LRRFIP1: variants seen among roughly 807,000 people sequenced by gnomAD.
LRRFIP1 encodes leucine-rich repeat flightless-interacting protein 1.
LRRFIP1 carries 62 observed loss-of-function variants against 104.4 expected under a neutral mutation model. That is an observed-to-expected ratio of 0.59 (90% confidence interval 0.48 to 0.73). The LOEUF is 0.73. Ranked by LOEUF, LRRFIP1 falls within the 30% of genes least tolerant of loss-of-function variation. The pLI is 0.00. For synonymous variants in LRRFIP1, 300 were observed against 299.0 expected (o/e 1.00, Z -0.03); for missense variants, 796 against 824.5 (o/e 0.97, Z 0.42).
chr2:237,775,126 G>A (rs1374277198), intron 23 of LRRFIP1, among the ~76,000 whole-genome samples: 1 of 152,236 alleles, frequency 6.6e-6, no homozygotes, highest in Non-Finnish European at 1.5e-5. Context: ...TCTGGAAGAG[G>A]GAGGTCCATA....
intron 1 of LRRFIP1, among the ~76,000 whole-genome samples, chr2:237,688,556 T>C (rs2149717603): frequency 6.7e-6 from 1 of 148,874 alleles, no homozygotes; most frequent in Non-Finnish European, 1.5e-5. Flanking sequence ...CCTCCTGTGT[T>C]CAAGTGATTC....
Position 237,705,151 on chromosome 2 carries a change from T to TA in LRRFIP1, c.97-3393_97-3392insA, listed in dbSNP as rs200072057. Among the ~76,000 whole-genome samples, 1,268 of 152,018 alleles carry TA rather than the reference T, an allele frequency of 8.3e-3. 9 individuals carry two copies. Among genetic ancestry groups the TA allele is most frequent in the Admixed American group, 0.012 (188 of 15,288 alleles). On this transcript the variant is annotated intron_variant, in intron 1 of 23. Coordinates refer to ENST00000308482, the MANE Select transcript of LRRFIP1 (RefSeq NM_001137550.2). ...TGGCCAGACCCGAGCAGAGCTAAGC[T>TA]GGAATAGGGTGGGGTACTGAGCAGG...
chr2:237,680,215 G>A (rs1262846660), intron 1 of LRRFIP1, among the ~76,000 whole-genome samples: 1 of 152,186 alleles, frequency 6.6e-6, no homozygotes. Flanking sequence ...TGGCTGGCCA[G>A]GCACAGTGGC....
At chr2:237,727,966 T>G (rs373508904) in intron 8 of LRRFIP1, 31 bp downstream of exon 8, 9 of 1,498,362 alleles carry the variant, frequency 6.0e-6, no homozygotes, top group Non-Finnish European at 7.3e-6. Context: ...TGGCTCAAAA[T>G]TCAAATAGGT....
At chr2:237,723,454 AT>A in intron 6 of LRRFIP1, 93 bp from the exon 7 acceptor site, 2 of 1,211,690 alleles carry the variant, frequency 1.7e-6, no homozygotes, top group Non-Finnish European at 2.4e-6. Flanking sequence ...GATTTTAAAG[AT>A]TGCTTGTATT....
In LRRFIP1 at chr2:237,765,690, A is replaced by G. The variant is rs925948860; in HGVS notation, c.1460-4253A>G. 9.8e-5 allele frequency: 92 copies of G among 943,554 alleles called. No homozygotes were observed. The Middle Eastern group carries it at 2.8e-3, about 28-fold the overall frequency. 58.4% of individuals were successfully genotyped at this position (943,554 alleles called of 1,614,324 possible). The stretch of plus-strand genomic sequence containing the variant: ...TGCCTGAAGAAAATATCTGTTTTCT[A>G]TATAAAAAAATTTTTTAAAATAATT... On this transcript the variant is annotated intron_variant, in intron 19 of 23. Coordinates refer to ENST00000308482, the MANE Select transcript of LRRFIP1 (RefSeq NM_001137550.2).
In LRRFIP1 at chr2:237,675,924, G is replaced by T. The variant is rs1361075661; in HGVS notation, c.97-32620G>T. Among the ~76,000 whole-genome samples, 6 of 152,196 alleles carry T rather than the reference G, an allele frequency of 3.9e-5. 1 individual carries two copies. Among genetic ancestry groups the T allele is most frequent in the African/African-American group, 1.4e-4 (6 of 41,448 alleles). On this transcript the variant is annotated intron_variant, in intron 1 of 23. Coordinates refer to ENST00000308482, the MANE Select transcript of LRRFIP1 (RefSeq NM_001137550.2). ...ACAGGATGCTGTAAAGCAGTAGGTT[G>T]ACCTGGCCCTTTTCTTATAATGTAA...
chr2:237,774,379 G>A lies in LRRFIP1; in HGVS notation c.1729G>A (p.Val577Ile). The change falls in exon 23 of 24, where the codon GTA becomes ATA. Residue 577 changes from valine to isoleucine, a missense_variant. Val to Ile is a conservative substitution (Grantham distance 29, BLOSUM62 3). Transcript: ENST00000308482. Reference sequence around the variant, plus strand: ...TTAGGTAATAAGGTTAGAGAGTCAAGTATCACGTTACAAATCAGCGGCTGA... The same window carrying A: ...TTAGGTAATAAGGTTAGAGAGTCAAATATCACGTTACAAATCAGCGGCTGA... ...EQNVIRLESQVSRYKSAAENA... is the reference protein window; with the variant it reads ...EQNVIRLESQISRYKSAAENA... 1 of 1,612,976 alleles carries A rather than the reference G, an allele frequency of 6.2e-7. No homozygotes were observed. Among genetic ancestry groups the A allele is most frequent in the South Asian group, 1.1e-5 (1 of 90,982 alleles).
At chr2:237,764,690 C>T (rs773297730) in intron 19 of LRRFIP1, 41 of 987,840 alleles carry the variant, frequency 4.2e-5, no homozygotes, top group Non-Finnish European at 4.8e-5. Flanking sequence ...ATAAGATTTG[C>T]ACCTTAGAAC....
At chr2:237,706,551 A>G (rs1405001820) in intron 1 of LRRFIP1, among the ~76,000 whole-genome samples, 1 of 152,184 alleles carries the variant, frequency 6.6e-6, no homozygotes, top group Non-Finnish European at 1.5e-5. Flanking sequence ...TTGCTGGCCC[A>G]TTGGTAGGGC....
intron 1 of LRRFIP1, among the ~76,000 whole-genome samples, chr2:237,697,328 A>G (rs1378311907): frequency 1.3e-5 from 2 of 152,180 alleles, no homozygotes; most frequent in Admixed American, 1.3e-4. Context: ...CGGCCCAATG[A>G]GCTTTACTTT....
intron 1 of LRRFIP1, among the ~76,000 whole-genome samples, chr2:237,693,517 G>T (rs987390729): frequency 2.0e-5 from 3 of 152,200 alleles, no homozygotes; most frequent in African/African-American, 7.2e-5. Flanking sequence ...GTTTTTCTGT[G>T]ACTTCGTTTA....
chr2:237,675,503 A>G (rs997329770), intron 1 of LRRFIP1, among the ~76,000 whole-genome samples: 1 of 152,240 alleles, frequency 6.6e-6, no homozygotes, highest in Admixed American at 6.5e-5. Context: ...ACTATACCAA[A>G]AAACAGAGAG....
At chr2:237,675,514 C>T (rs1238826550) in intron 1 of LRRFIP1, among the ~76,000 whole-genome samples, 1 of 152,174 alleles carries the variant, frequency 6.6e-6, no homozygotes, top group African/African-American at 2.4e-5. Context: ...AAACAGAGAG[C>T]TGAGAGCAGT....
At position 237,739,318 on chromosome 2, in the gene LRRFIP1, G is replaced by A; in HGVS notation, c.633+9G>A. ...CCCGGGCCAGCCCTGTGGTAAGTCG[G>A]CCTCCTGGCCTTGCTCCTACTCAGT... On this transcript the variant is annotated intron_variant, in intron 11 of 23. Coordinates refer to ENST00000308482, the MANE Select transcript of LRRFIP1 (RefSeq NM_001137550.2). 6.5e-7 allele frequency: 1 copy of A among 1,550,170 alleles called. No homozygotes were observed. Among genetic ancestry groups the A allele is most frequent in the Non-Finnish European group, 8.7e-7 (1 of 1,148,822 alleles).
intron 23 of LRRFIP1, among the ~76,000 whole-genome samples, chr2:237,778,531 A>C (rs1465407511): frequency 6.6e-6 from 1 of 152,184 alleles, no homozygotes; most frequent in South Asian, 2.1e-4. Flanking sequence ...TCTGGCTGCC[A>C]GGGCTGTGGG....
intron 1 of LRRFIP1, among the ~76,000 whole-genome samples, chr2:237,654,982 T>G (rs2086562875): frequency 6.6e-6 from 1 of 151,812 alleles, no homozygotes; most frequent in African/African-American, 2.4e-5. Flanking sequence ...AATGGAGTAC[T>G]CTTCAGCCTT....
chr2:237,779,302 G>A (rs2061354373), intron 23 of LRRFIP1, 120 bp from the exon 24 acceptor site: 2 of 1,425,524 alleles, frequency 1.4e-6, no homozygotes, highest in African/African-American at 1.4e-5. Flanking sequence ...CATCATGAGG[G>A]ACCAGGGGCC....
rs1038432539 is a variant in LRRFIP1, at chr2:237,762,214, C to T, written c.1459+2009C>T. On this transcript the variant is annotated intron_variant, in intron 19 of 23. Coordinates refer to ENST00000308482, the MANE Select transcript of LRRFIP1 (RefSeq NM_001137550.2). ...TGACAGCTGCAAAAGTACAAGTTGT[C>T]AAGTTGTTCATTGAGAAGTGAGAGT... Among the ~76,000 whole-genome samples the T allele has an allele frequency of 2.7e-4, 41 of 152,190 alleles. 1 individual carries two copies. Among genetic ancestry groups the T allele is most frequent in the African/African-American group, 9.7e-4 (40 of 41,440 alleles).
Sources: allele counts gnomAD v4.1 joint callset (sites outside exome capture counted in the v4.1 genomes callset), GRCh38; gene constraint gnomAD v4.1.1; transcripts MANE v1.5; gene names NCBI Gene and HGNC (gene_info 2026-07-23, HGNC 2026-07-21).